Variants in NRG3 observed in about 807,000 individuals in gnomAD.
NRG3 encodes pro-neuregulin-3, membrane-bound isoform.
In NRG3, 31 loss-of-function variants were observed where a neutral mutation model predicts 66.9. The observed-to-expected ratio is 0.46, with a 90% CI of 0.35 to 0.63. NRG3 has a LOEUF of 0.63. Among genes scored for constraint, NRG3 ranks in the 20% least tolerant of loss-of-function variants. The pLI, the probability that NRG3 is intolerant of heterozygous loss-of-function variation, is 0.00. For missense variants in NRG3, 910 were observed against 878.9 expected, an observed-to-expected ratio of 1.04 and a Z score of -0.45; for synonymous variants, 393 against 359.4, an observed-to-expected ratio of 1.09 and a Z score of -1.06.
At chr10:82,527,210 A>T (rs1846794227) in intron 2 of NRG3, among the ~76,000 whole-genome samples, 1 of 152,132 alleles carries the variant, frequency 6.6e-6, no homozygotes, top group Non-Finnish European at 1.5e-5. Flanking sequence ...AGAAAATACA[A>T]CATCTACAGA....
At chr10:82,738,078 T>TTA (rs1555019500) in intron 2 of NRG3, among the ~76,000 whole-genome samples, 11 of 147,672 alleles carry the variant, frequency 7.4e-5, no homozygotes, top group Non-Finnish European at 1.0e-4. Flanking sequence ...ACTAAGAGGT[T>TTA]AAAAAAAAAA....
chr10:82,377,330 G>A (rs1275477544), intron 2 of NRG3, among the ~76,000 whole-genome samples: 1 of 152,124 alleles, frequency 6.6e-6, no homozygotes, highest in Non-Finnish European at 1.5e-5. Flanking sequence ...TTTCACCAGA[G>A]CCTCTTAGCT....
intron 1 of NRG3, chr10:81,878,017 C>T (rs1395788576): frequency 7.2e-6 from 11 of 1,537,530 alleles, no homozygotes; most frequent in Admixed American, 3.9e-5. Context: ...GGGGACTACA[C>T]ACGGTAGGGG....
intron 1 of NRG3, among the ~76,000 whole-genome samples, chr10:82,221,252 G>A (rs905843222): frequency 6.7e-6 from 1 of 148,594 alleles, no homozygotes; most frequent in Non-Finnish European, 1.5e-5. Context: ...AAAAAAATTG[G>A]CAAGACAGAG....
chr10:82,879,958 C>CTTTTTTT (rs35159008), intron 4 of NRG3, among the ~76,000 whole-genome samples: 18 of 78,424 alleles, frequency 2.3e-4, no homozygotes, highest in East Asian at 4.6e-4. Context: ...GATTTCATCC[C>CTTTTTTT]TTTTTTTTTT....
intron 3 of NRG3, among the ~76,000 whole-genome samples, chr10:82,809,760 T>C (rs1183690843): frequency 6.6e-6 from 1 of 152,282 alleles, no homozygotes; most frequent in Non-Finnish European, 1.5e-5. Flanking sequence ...GTAAGAAATA[T>C]TCATCTTTAA....
intron 3 of NRG3, among the ~76,000 whole-genome samples, chr10:82,835,394 C>T (rs980464278): frequency 2.6e-5 from 4 of 152,126 alleles, no homozygotes; most frequent in South Asian, 2.1e-4. Context: ...TTCAAACTTC[C>T]GTATTAAAAA....
At chr10:82,197,005 C>A (rs748578552) in intron 1 of NRG3, among the ~76,000 whole-genome samples, 3 of 152,118 alleles carry the variant, frequency 2.0e-5, no homozygotes, top group Non-Finnish European at 4.4e-5. Flanking sequence ...GAAATAGAAG[C>A]CAGAGGTTCA....
chr10:82,836,871 T>A (rs1025482672), intron 3 of NRG3, among the ~76,000 whole-genome samples: 43 of 148,020 alleles, frequency 2.9e-4, no homozygotes, highest in African/African-American at 1.1e-3. Flanking sequence ...TAGGTATATC[T>A]CCTAATGTTA....
At chr10:82,870,932 C>T (rs1457807228) in intron 4 of NRG3, among the ~76,000 whole-genome samples, 1 of 152,088 alleles carries the variant, frequency 6.6e-6, no homozygotes, top group Non-Finnish European at 1.5e-5. Context: ...TAATAAAGTC[C>T]AGATTATAAA....
At chr10:82,029,686 G>A (rs10884059) in intron 1 of NRG3, among the ~76,000 whole-genome samples, 74,011 of 151,920 alleles carry the variant, frequency 0.49, 18,959 homozygotes, top group Admixed American at 0.62. Context: ...ATTTTTGATG[G>A]ACTTCATTGA....
At chr10:81,918,886 C>G (rs73306506) in intron 1 of NRG3, among the ~76,000 whole-genome samples, 1 of 150,756 alleles carries the variant, frequency 6.6e-6, no homozygotes, top group African/African-American at 2.4e-5. Context: ...TTCTGTCAAA[C>G]GAGTTTTGAA....
At chr10:81,978,398 T>C (rs534976201) in intron 1 of NRG3, among the ~76,000 whole-genome samples, 8 of 152,216 alleles carry the variant, frequency 5.3e-5, no homozygotes, top group Non-Finnish European at 1.2e-4. Flanking sequence ...CGAAGAGCCA[T>C]GCCAAACCAT....
intron 3 of NRG3, among the ~76,000 whole-genome samples, chr10:82,844,246 T>A (rs1011865810): frequency 1.3e-5 from 2 of 152,210 alleles, no homozygotes; most frequent in East Asian, 3.9e-4. Flanking sequence ...AGTGTCTCTT[T>A]CTAATTAAAT....
chr10:82,364,156 T>C (rs991550367), intron 2 of NRG3, among the ~76,000 whole-genome samples: 2 of 152,180 alleles, frequency 1.3e-5, no homozygotes, highest in Non-Finnish European at 2.9e-5. Flanking sequence ...ATATAGATAG[T>C]GTCCTTGTCT....
At chr10:82,418,144 G>T (rs1422490089) in intron 2 of NRG3, among the ~76,000 whole-genome samples, 1 of 152,178 alleles carries the variant, frequency 6.6e-6, no homozygotes, top group African/African-American at 2.4e-5. Context: ...ATAACTGTCA[G>T]CTCCTATAGT....
At chr10:82,445,439 C>A (rs1010317196) in intron 2 of NRG3, among the ~76,000 whole-genome samples, 2 of 152,146 alleles carry the variant, frequency 1.3e-5, no homozygotes, top group Non-Finnish European at 2.9e-5. Context: ...AGGATGTTAG[C>A]ATGTCACTTC....
chr10:82,520,901 C>G (rs1438558625), intron 2 of NRG3, among the ~76,000 whole-genome samples: 3 of 152,126 alleles, frequency 2.0e-5, no homozygotes, highest in African/African-American at 7.2e-5. Context: ...AATTCTCTGT[C>G]TAAACCCCTC....
Position 82,945,274 on chromosome 10 carries a change from A to AT in NRG3, c.1055-6194dup, listed in dbSNP as rs553952970. Among the ~76,000 whole-genome samples, 85 of 152,324 alleles carry AT rather than the reference A, an allele frequency of 5.6e-4. 1 individual carries two copies. The East Asian group carries it at 0.015, about 26-fold the overall frequency. ...AGAGATAAACAATCAGAATACCTAC[A>AT]TATCAGTTGATCATGCTGCTCATCC... is the stretch of plus-strand genomic sequence containing the variant. On this transcript the variant is annotated intron_variant, in intron 4 of 8. Coordinates refer to ENST00000372141, the MANE Select transcript of NRG3 (RefSeq NM_001010848.4).
Sources: gnomAD v4.1 joint callset for allele counts (sites outside exome capture counted in the v4.1 genomes callset) on GRCh38, gnomAD v4.1.1 for gene constraint, MANE v1.5 for transcripts, NCBI Gene and HGNC (gene_info 2026-07-23, HGNC 2026-07-21) for gene names.